Variants in GRM8 observed in about 807,000 individuals in gnomAD.
GRM8 encodes glutamate metabotropic receptor 8.
A neutral mutation model predicts 87.2 loss-of-function variants in GRM8; 47 were observed. The observed-to-expected ratio is 0.54, with a 90% confidence interval of 0.43 to 0.69. GRM8 has a LOEUF of 0.69. Among genes scored for constraint, GRM8 ranks in the 30% least tolerant of loss-of-function variants. The pLI, the probability that GRM8 is intolerant of heterozygous loss-of-function variation, is 0.00. For synonymous variants in GRM8, 396 were observed against 404.5 expected, an observed-to-expected ratio of 0.98 and a Z score of 0.25; for missense variants, 1,019 against 1,139.2, an observed-to-expected ratio of 0.89 and a Z score of 1.52.
chr7:126,864,471 G>T (rs1213395695), intron 6 of GRM8, among the ~76,000 whole-genome samples: 2 of 151,870 alleles, frequency 1.3e-5, no homozygotes, highest in Non-Finnish European at 2.9e-5. Flanking sequence ...TACTTAATTA[G>T]CTGTCTGGTC....
intron 7 of GRM8, among the ~76,000 whole-genome samples, chr7:126,723,153 T>A (rs895333403): frequency 2.0e-5 from 3 of 151,850 alleles, no homozygotes; most frequent in Admixed American, 2.0e-4. Context: ...AGGGCTGTAA[T>A]AACGCCCCTT....
At chr7:127,080,162 G>A (rs1041801719) in intron 3 of GRM8, among the ~76,000 whole-genome samples, 1 of 152,088 alleles carries the variant, frequency 6.6e-6, no homozygotes, top group African/African-American at 2.4e-5. Flanking sequence ...GGAAGGGGGA[G>A]GCAGAGGAGT....
At chr7:126,997,681 T>C (rs2132004377) in intron 3 of GRM8, among the ~76,000 whole-genome samples, 1 of 151,894 alleles carries the variant, frequency 6.6e-6, no homozygotes, top group South Asian at 2.1e-4. Context: ...TTGGAATATG[T>C]GGAGGAAACG....
At position 126,668,247 on chromosome 7, in the gene GRM8, T is replaced by C. The variant is rs115095638; in HGVS notation, c.1358-58749A>G. Among the ~76,000 whole-genome samples, 1,192 of 152,216 alleles carry C rather than the reference T, an allele frequency of 7.8e-3. 20 individuals carry two copies. Among genetic ancestry groups the C allele is most frequent in the African/African-American group, 0.027 (1,128 of 41,520 alleles). The stretch of plus-strand genomic sequence containing the variant: ...CTACTTTACTCACCATTCAAACTGT[T>C]TGTGAGCCTAAATTTTCATAGCCGT... On this transcript the variant is annotated intron_variant, in intron 7 of 10. Coordinates refer to ENST00000339582, the MANE Select transcript of GRM8 (RefSeq NM_000845.3).
intron 9 of GRM8, among the ~76,000 whole-genome samples, chr7:126,499,200 A>ATT (rs532153147): frequency 6.8e-6 from 1 of 146,446 alleles, no homozygotes; most frequent in African/African-American, 2.5e-5. Context: ...TGCAAACTAC[A>ATT]TTTTTTTTTT....
chr7:126,672,795 T>C (rs942246575), intron 7 of GRM8, among the ~76,000 whole-genome samples: 4 of 152,106 alleles, frequency 2.6e-5, no homozygotes, highest in Admixed American at 1.3e-4. Context: ...GGTGTATCTG[T>C]TCTTACTTTC....
intron 6 of GRM8, among the ~76,000 whole-genome samples, chr7:126,892,384 G>T (rs1239733172): frequency 6.6e-6 from 1 of 152,072 alleles, no homozygotes; most frequent in Non-Finnish European, 1.5e-5. Context: ...AGAACACGCG[G>T]TGTTTGGTTT....
At chr7:127,128,085 A>G (rs140707585) in intron 2 of GRM8, among the ~76,000 whole-genome samples, 1 of 152,140 alleles carries the variant, frequency 6.6e-6, no homozygotes, top group Non-Finnish European at 1.5e-5. Context: ...TCTATTTTCC[A>G]TTCTATTTGC....
intron 8 of GRM8, among the ~76,000 whole-genome samples, chr7:126,537,553 G>T (rs905717011): frequency 3.3e-5 from 5 of 152,126 alleles, no homozygotes; most frequent in Admixed American, 1.3e-4. Context: ...AAGGCAGGCG[G>T]ATCACAAGGT....
chr7:127,107,956 T>C (rs1294508457), intron 2 of GRM8, among the ~76,000 whole-genome samples: 3 of 152,168 alleles, frequency 2.0e-5, no homozygotes, highest in African/African-American at 7.2e-5. Context: ...TCAGCTTCCA[T>C]GTAACTTGGA....
chr7:126,653,581 C>A (rs763128586), intron 7 of GRM8, among the ~76,000 whole-genome samples: 2 of 152,106 alleles, frequency 1.3e-5, no homozygotes, highest in African/African-American at 4.8e-5. Context: ...ACAGAAAATA[C>A]GCTTACTTTA....
At chr7:126,661,314 C>G (rs1585414937) in intron 7 of GRM8, among the ~76,000 whole-genome samples, 1 of 152,054 alleles carries the variant, frequency 6.6e-6, no homozygotes, top group African/African-American at 2.4e-5. Context: ...TATACCTACA[C>G]AAATTAAAAC....
chr7:127,190,329 G>A (rs1587236994), intron 2 of GRM8, among the ~76,000 whole-genome samples: 1 of 152,128 alleles, frequency 6.6e-6, no homozygotes, highest in Non-Finnish European at 1.5e-5. Flanking sequence ...AATATGTCCT[G>A]CCTTTGGAGT....
At chr7:126,812,840 G>C (rs1169389836) in intron 6 of GRM8, among the ~76,000 whole-genome samples, 4 of 151,998 alleles carry the variant, frequency 2.6e-5, no homozygotes. Context: ...ATGACTTTGG[G>C]ATGCTTTGCA....
intron 3 of GRM8, among the ~76,000 whole-genome samples, chr7:126,921,356 A>C (rs1298358364): frequency 7.9e-5 from 12 of 152,174 alleles, no homozygotes; most frequent in Non-Finnish European, 1.5e-4. Flanking sequence ...AAATTGGAGA[A>C]TTCATTCAAG....
At chr7:127,215,430 T>TA (rs1008818997) in intron 2 of GRM8, among the ~76,000 whole-genome samples, 34 of 151,912 alleles carry the variant, frequency 2.2e-4, no homozygotes, top group African/African-American at 5.8e-4. Flanking sequence ...TGCAGACTCT[T>TA]AATCAGTTCC....
intron 9 of GRM8, among the ~76,000 whole-genome samples, chr7:126,531,802 C>A (rs959434926): frequency 5.9e-5 from 9 of 152,146 alleles, no homozygotes; most frequent in African/African-American, 1.4e-4. Flanking sequence ...AGCTTTCTGT[C>A]CCGTTGTTGT....
At chr7:126,828,273 T>A (rs1388602922) in intron 6 of GRM8, among the ~76,000 whole-genome samples, 29 of 150,780 alleles carry the variant, frequency 1.9e-4, no homozygotes, top group South Asian at 6.5e-4. Context: ...ATTAGAATAG[T>A]TTCAGAAAGA....
intron 6 of GRM8, among the ~76,000 whole-genome samples, chr7:126,784,993 C>T (rs1585920674): frequency 1.3e-5 from 2 of 152,206 alleles, no homozygotes; most frequent in East Asian, 3.9e-4. Context: ...ACATAGTAAC[C>T]ATTTGGCCTT....
Sources: gnomAD v4.1 joint callset for allele counts (sites outside exome capture counted in the v4.1 genomes callset) on GRCh38, gnomAD v4.1.1 for gene constraint, MANE v1.5 for transcripts, NCBI Gene and HGNC (gene_info 2026-07-23, HGNC 2026-07-21) for gene names.